Variants in B3GLCT observed in about 807,000 individuals in gnomAD.
The protein encoded by B3GLCT is beta 3-glucosyltransferase.
A neutral mutation model predicts 63.4 loss-of-function variants in B3GLCT; 65 were observed. The ratio of observed to expected loss-of-function variants is 1.03; its 90% CI spans 0.84 to 1.26. The LOEUF (loss-of-function observed/expected upper bound fraction) is 1.26. Ranked by LOEUF, B3GLCT falls within the 50% of genes most tolerant of loss-of-function variation. The pLI is 0.00. For missense variants in B3GLCT, 577 were observed against 604.8 expected (o/e 0.95, Z 0.48); for synonymous variants, 233 against 219.2 (o/e 1.06, Z -0.55).
chr13:31,234,196 A>G (rs1335800831), intron 4 of B3GLCT, among the ~76,000 whole-genome samples: 2 of 151,352 alleles, frequency 1.3e-5, no homozygotes, highest in East Asian at 1.9e-4. Context: ...TTTTTTTTGT[A>G]TTTTTAGTAG....
At chr13:31,318,711 T>G (rs1425391039) in intron 13 of B3GLCT, among the ~76,000 whole-genome samples, 1 of 151,520 alleles carries the variant, frequency 6.6e-6, no homozygotes, top group Non-Finnish European at 1.5e-5. Context: ...ATTTGCGGCC[T>G]TACTGTAATG....
intron 1 of B3GLCT, among the ~76,000 whole-genome samples, chr13:31,214,077 G>A (rs962183250): frequency 2.6e-5 from 4 of 152,184 alleles, no homozygotes; most frequent in South Asian, 2.1e-4. Flanking sequence ...GGATGAAGTC[G>A]TCTCCTGCTT....
intron 12 of B3GLCT, among the ~76,000 whole-genome samples, chr13:31,292,967 A>C (rs1370129301): frequency 6.6e-5 from 10 of 152,102 alleles, no homozygotes; most frequent in African/African-American, 2.2e-4. Flanking sequence ...TTTCCCGCTA[A>C]ACACTGCTTT....
At chr13:31,323,701 G>A (rs374733726) in intron 13 of B3GLCT, 50 bp from the exon 14 acceptor site, 22 of 1,609,732 alleles carry the variant, frequency 1.4e-5, no homozygotes, top group Middle Eastern at 1.8e-4. Context: ...GTGCAGCAGC[G>A]GTGTCTGTGG....
At chr13:31,256,160 A>G (rs1871728527) in intron 6 of B3GLCT, among the ~76,000 whole-genome samples, 1 of 152,226 alleles carries the variant, frequency 6.6e-6, no homozygotes. Flanking sequence ...ACATTTATGC[A>G]GCCAAAAACA....
Position 31,222,869 on chromosome 13 carries a change from A to G in B3GLCT, c.121-83A>G, listed in dbSNP as rs3818415. 0.11 allele frequency: 102,315 copies of G among 915,582 alleles called. 11,016 individuals are homozygous for G. The highest frequency in any genetic ancestry group is 0.46 in the East Asian group (19,117 of 41,118). The allele number at this position is 915,582 out of a possible 1,614,324, so 56.7% of individuals were successfully genotyped here. A position where few individuals can be genotyped will look rare whatever the true frequency, so the allele number is the denominator to read the frequency against. ...TTCCTCCCATGTGCTGATACATACC[A>G]TGCACCATGCATGTTTACTCAGTGT... On this transcript the variant is annotated intron_variant, in intron 2 of 14. Transcript: ENST00000343307.
chr13:31,265,657 C>A (rs1350186182), intron 7 of B3GLCT, among the ~76,000 whole-genome samples: 1 of 152,218 alleles, frequency 6.6e-6, no homozygotes, highest in East Asian at 1.9e-4. Context: ...ACAATACTTT[C>A]ATTTTTGGAG....
intron 12 of B3GLCT, among the ~76,000 whole-genome samples, chr13:31,308,347 T>TTAAAAAAAAAAAAAAAAAAAAAAAA (rs1450252463): frequency 8.4e-5 from 2 of 23,686 alleles, no homozygotes; most frequent in East Asian, 1.5e-3. Flanking sequence ...AAAAAAAAAT[T>TTAAAAAAAAAAAAAAAAAAAAAAAA]AAAAAAAAAA....
intron 4 of B3GLCT, among the ~76,000 whole-genome samples, chr13:31,242,322 T>G (rs550542369): frequency 6.6e-6 from 1 of 152,360 alleles, no homozygotes; most frequent in East Asian, 1.9e-4. Context: ...GTAGATTTAT[T>G]TGCTTGTTGC....
intron 2 of B3GLCT, among the ~76,000 whole-genome samples, chr13:31,218,353 C>G (rs1869659599): frequency 6.6e-6 from 1 of 152,014 alleles, no homozygotes; most frequent in Non-Finnish European, 1.5e-5. Context: ...CCACATCTGA[C>G]TAATTTCTGT....
chr13:31,253,619 A>AAACAAACG (rs1871559858), intron 6 of B3GLCT, among the ~76,000 whole-genome samples: 1 of 89,322 alleles, frequency 1.1e-5, no homozygotes, highest in Non-Finnish European at 2.2e-5. Context: ...AAAAAAAAAA[A>AAACAAACG]AACTAGAGAA....
intron 12 of B3GLCT, among the ~76,000 whole-genome samples, chr13:31,309,613 AT>A (rs1451572653): frequency 2.0e-5 from 3 of 152,238 alleles, no homozygotes; most frequent in African/African-American, 7.2e-5. Context: ...TTTAAAGGAT[AT>A]TATCAAGGAT....
At chr13:31,205,805 A>C (rs1165011707) in intron 1 of B3GLCT, among the ~76,000 whole-genome samples, 1 of 152,250 alleles carries the variant, frequency 6.6e-6, no homozygotes, top group Non-Finnish European at 1.5e-5. Context: ...AGAGGAAAGC[A>C]GTCTTTATCT....
chr13:31,297,727 C>A (rs1449663623), intron 12 of B3GLCT, among the ~76,000 whole-genome samples: 1 of 152,268 alleles, frequency 6.6e-6, no homozygotes, highest in South Asian at 2.1e-4. Context: ...TAAGTCCAGG[C>A]GTCCAGAACT....
At chr13:31,283,604 TA>T (rs1555252633) in intron 10 of B3GLCT, among the ~76,000 whole-genome samples, 2 of 150,692 alleles carry the variant, frequency 1.3e-5, no homozygotes, top group African/African-American at 4.9e-5. Flanking sequence ...TCAGTTTTTT[TA>T]AAAAAAAAGC....
chr13:31,236,583 G>A (rs1870656325), intron 4 of B3GLCT, among the ~76,000 whole-genome samples: 2 of 152,128 alleles, frequency 1.3e-5, no homozygotes, highest in Admixed American at 6.5e-5. Context: ...TTCTTTGCTT[G>A]GATGAAGCCA....
chr13:31,246,951 C>CTTTTTTTTTTTTTTTTTTTTTTTTTTTT, intron 4 of B3GLCT, 72 bp from the exon 5 acceptor site: 2 of 778,770 alleles, frequency 2.6e-6, no homozygotes, highest in Non-Finnish European at 4.0e-6. Flanking sequence ...CTTTTCTTTT[C>CTTTTTTTTTTTTTTTTTTTTTTTTTTTT]TTTTTTTTTT....
chr13:31,283,731 T>C (rs1873181505), intron 10 of B3GLCT, among the ~76,000 whole-genome samples: 1 of 152,176 alleles, frequency 6.6e-6, no homozygotes. Context: ...CATTGGAACA[T>C]CAGTTTTTGT....
intron 13 of B3GLCT, among the ~76,000 whole-genome samples, chr13:31,322,492 G>A (rs1008894856): frequency 2.6e-5 from 4 of 152,242 alleles, no homozygotes; most frequent in African/African-American, 9.6e-5. Flanking sequence ...GAGCAGACAA[G>A]TGTTCTTTCC....
Sources: allele counts gnomAD v4.1 joint callset (sites outside exome capture counted in the v4.1 genomes callset), GRCh38; gene constraint gnomAD v4.1.1; transcripts MANE v1.5; gene names NCBI Gene and HGNC (gene_info 2026-07-23, HGNC 2026-07-21).